Variants in ATAD3A observed in about 807,000 individuals in gnomAD.
The protein encoded by ATAD3A is ATPase family AAA domain containing 3A, also known as ATPase family AAA domain-containing protein 3A.
ATAD3A carries 46 observed loss-of-function variants against 73.8 expected under a neutral mutation model. The ratio of observed to expected loss-of-function variants is 0.62; its 90% CI spans 0.49 to 0.80. ATAD3A has a LOEUF of 0.80. ATAD3A is among the 30% of genes least tolerant of loss of function. The pLI is 0.00. For missense variants in ATAD3A, 705 were observed against 838.0 expected (o/e 0.84, Z 1.96); for synonymous variants, 319 against 350.0 (o/e 0.91, Z 0.99).
Position 1,522,840 on chromosome 1 carries a change from T to C in ATAD3A, c.847T>C (p.Ser283Pro), listed in dbSNP as rs1487807633. Residue 283 changes from serine (S) to proline (P), a missense_variant, in exon 8 of 16, where the codon TCC becomes CCC. This residue lies in a region of ATAD3A where 315 missense variants were observed against 334.1 expected (regional missense o/e 0.94). Transcript: ENST00000378756. Reference protein sequence around the residue: ...RFIEARLGKPSLVRETSRITV... With the variant: ...RFIEARLGKPPLVRETSRITV... ...CATCGAGGCTCGGCTGGGGAAGCCGTCCCTAGTGAGGGAGACGTCCCGCAT... is the reference window on the plus strand; with the variant it reads ...CATCGAGGCTCGGCTGGGGAAGCCGCCCCTAGTGAGGGAGACGTCCCGCAT... 6.2e-7 allele frequency: 1 copy of C among 1,610,174 alleles called. No homozygotes were observed. Among genetic ancestry groups the C allele is most frequent in the Non-Finnish European group, 8.5e-7 (1 of 1,179,682 alleles).
chr1:1,523,872 A>G lies in ATAD3A; in HGVS notation c.997A>G (p.Ile333Val), dbSNP rs778652824. 4 of 1,614,030 alleles carry G rather than the reference A, an allele frequency of 2.5e-6. No homozygotes were observed. Among genetic ancestry groups the G allele is most frequent in the East Asian group, 2.2e-5 (1 of 44,888 alleles). The stretch of plus-strand genomic sequence containing the variant: ...GGAAGCACGGGTGCGCGACATCGCC[A>G]TAGCAACAAGGAACACCAAGAAGAA... ...SLEARVRDIA[I>V]ATRNTKKNRS... Residue 333 changes from isoleucine to valine, a missense_variant, in exon 10 of 16, where the codon ATA (isoleucine) becomes GTA (valine). By Grantham distance (29) the Ile-to-Val change is conservative. Around this residue, in one of 5 missense-constraint regions of ATAD3A, gnomAD observed 315 missense variants for 334.1 expected, o/e 0.94. Transcript: ENST00000378756. The surrounding 1 kb of genome is among the most constrained non-coding windows in gnomAD (Gnocchi z 5.1).
At chr1:1,518,394 CAT>C (rs1161275971) in intron 4 of ATAD3A, among the ~76,000 whole-genome samples, 30 of 148,104 alleles carry the variant, frequency 2.0e-4, no homozygotes, top group Admixed American at 1.2e-3. Flanking sequence ...CCCACACACA[CAT>C]GGGCATGCCC....
chr1:1,512,607 C>T lies in ATAD3A; in HGVS notation c.205+134C>T, dbSNP rs767987185. 3.5e-6 allele frequency: 5 copies of T among 1,409,118 alleles called. No individual in the cohort carries two copies. The South Asian group carries it at 5.0e-5, about 14-fold the overall frequency. The allele number at this position is 1,409,118 out of a possible 1,614,324, so 87.3% of individuals were successfully genotyped here. On this transcript the variant is annotated intron_variant, in intron 1 of 15. Coordinates refer to ENST00000378756, the MANE Select transcript of ATAD3A (RefSeq NM_001170535.3). Reference sequence around the variant, plus strand: ...CGAGACTGCGCCCCCGGAGCACCCCCGGCCGGAGCCGTGTCGCGTGCCGGG... The same window carrying T: ...CGAGACTGCGCCCCCGGAGCACCCCTGGCCGGAGCCGTGTCGCGTGCCGGG...
intron 2 of ATAD3A, among the ~76,000 whole-genome samples, 189 bp downstream of exon 2, chr1:1,516,277 C>T (rs1254242983): frequency 6.9e-6 from 1 of 144,334 alleles, no homozygotes; most frequent in Non-Finnish European, 1.5e-5. Context: ...GCCGCAGAGC[C>T]GCCCGAGAGG....
intron 2 of ATAD3A, among the ~76,000 whole-genome samples, chr1:1,516,769 G>A: frequency 6.6e-6 from 1 of 152,116 alleles, no homozygotes. Context: ...CCAGGCCGGT[G>A]TGCAGTGGCG....
chr1:1,515,622 T>C (rs1407299130), intron 1 of ATAD3A, among the ~76,000 whole-genome samples: 1 of 152,178 alleles, frequency 6.6e-6, no homozygotes, highest in Non-Finnish European at 1.5e-5. Flanking sequence ...CTTGCCTGCA[T>C]GTGCTTGATA....
At position 1,517,038 on chromosome 1, in the gene ATAD3A, A is replaced by G. The variant is rs561650415; in HGVS notation, c.283-273A>G. The G allele has an allele frequency of 5.0e-5, 72 of 1,444,396 alleles. 1 individual carries two copies. The South Asian group carries it at 7.6e-4, about 15-fold the overall frequency. The allele number at this position is 1,444,396 out of a possible 1,614,324, so 89.5% of individuals were successfully genotyped here. A position where few individuals can be genotyped will look rare whatever the true frequency, so the allele number is the denominator to read the frequency against. On this transcript the variant is annotated intron_variant, in intron 2 of 15. Coordinates refer to ENST00000378756, the MANE Select transcript of ATAD3A (RefSeq NM_001170535.3). ...ACTCAGCAGGATTCCTAAAATAAGC[A>G]TGAGCTCTGCCCTCAGTGCAGTCCA... is the stretch of plus-strand genomic sequence containing the variant.
chr1:1,528,215 A>C (rs925780406), intron 14 of ATAD3A, among the ~76,000 whole-genome samples: 1 of 151,986 alleles, frequency 6.6e-6, no homozygotes, highest in African/African-American at 2.4e-5. Context: ...CACTCTCCTC[A>C]GCCTCCCAAA....
At position 1,518,957 on chromosome 1, in the gene ATAD3A, G is replaced by A. The variant is rs763409058; in HGVS notation, c.481G>A (p.Glu161Lys). ...TGAGGAGAATTTACGGAAGCAGGAG[G>A]AGTCCGTGCAGAAGCAGGAAGCCAT... ...LNEENLRKQE[E>K]SVQKQEAMRR... The change falls in exon 5 of 16, where the codon GAG becomes AAG. Residue 161 changes from glutamate to lysine, a missense_variant. By Grantham distance (56) the Glu-to-Lys change is moderately conservative. Coordinates refer to ENST00000378756, the MANE Select transcript of ATAD3A (RefSeq NM_001170535.3). The A allele has an allele frequency of 9.9e-6, 16 of 1,614,050 alleles. No homozygotes were observed. Among genetic ancestry groups the A allele is most frequent in the African/African-American group, 1.3e-5 (1 of 74,946 alleles).
rs570518197 is a variant in ATAD3A, at chr1:1,532,170, A to G, written c.1615-1756A>G. ...CTTGGTCAGGGTGTATAATTTTTTT[A>G]TTATACTCCTGAATTGGTTTTGCTG... is the stretch of plus-strand genomic sequence containing the variant. On this transcript the variant is annotated intron_variant, in intron 15 of 15. Coordinates refer to ENST00000378756, the MANE Select transcript of ATAD3A (RefSeq NM_001170535.3). Among the ~76,000 whole-genome samples the G allele has an allele frequency of 4.0e-4, 61 of 152,130 alleles. No individual in the cohort carries two copies. In the South Asian group the frequency reaches 6.0e-3, roughly 15 times the overall value.
Position 1,520,984 on chromosome 1 carries a change from G to C in ATAD3A, c.750+367G>C, listed in dbSNP as rs114526742. Among the ~76,000 whole-genome samples, 1 of 151,788 alleles carries C rather than the reference G, an allele frequency of 6.6e-6. No homozygotes were observed. The highest frequency in any genetic ancestry group is 2.4e-5 in the African/African-American group (1 of 41,288). On this transcript the variant is annotated intron_variant, in intron 7 of 15. Transcript: ENST00000378756. This position sits in a 1 kb window ranked among gnomAD's most constrained non-coding sequence, Gnocchi z 4.0. ...CGCAGCACTGCACTCCATCCTGGGCGACAAAGTCCTTGTCTCAAGAAAAAA... is the reference window on the plus strand; with the variant it reads ...CGCAGCACTGCACTCCATCCTGGGCCACAAAGTCCTTGTCTCAAGAAAAAA...
rs1184004698 is a variant in ATAD3A, at chr1:1,523,607, G to A, written c.963+40G>A. The A allele has an allele frequency of 1.9e-6, 3 of 1,611,748 alleles. No homozygotes were observed. The highest frequency in any genetic ancestry group is 2.7e-5 in the African/African-American group (2 of 74,950). On this transcript the variant is annotated intron_variant, in intron 9 of 15. Coordinates refer to ENST00000378756, the MANE Select transcript of ATAD3A (RefSeq NM_001170535.3). This position sits in a 1 kb window ranked among gnomAD's most constrained non-coding sequence, Gnocchi z 5.1. ...CTGGGACCGGGGAGGCGCAGGGAGG[G>A]GACCCTGGAGCTGGGCCGGGCTGTG...
chr1:1,525,940 T>C (rs1641826456), intron 12 of ATAD3A, among the ~76,000 whole-genome samples: 1 of 152,098 alleles, frequency 6.6e-6, no homozygotes, highest in Non-Finnish European at 1.5e-5. Flanking sequence ...ACTTCTGAGC[T>C]AAAGAGATTT....
At position 1,512,490 on chromosome 1, in the gene ATAD3A, G is replaced by T. The variant is rs965887671; in HGVS notation, c.205+17G>T. 2.5e-6 allele frequency: 3 copies of T among 1,180,792 alleles called. No homozygotes were observed. In the African/African-American group the frequency reaches 7.2e-5, roughly 28 times the overall value. The allele number at this position is 1,180,792 out of a possible 1,614,324, so 73.1% of individuals were successfully genotyped here. The stretch of plus-strand genomic sequence containing the variant: ...AGCACTCGCGTGAGTGCGGCGGGGC[G>T]GGGCGGCGCGGGCGGGCGGGCGGGA... On this transcript the variant is annotated intron_variant, in intron 1 of 15. Transcript: ENST00000378756.
chr1:1,517,472 G>A, intron 3 of ATAD3A, 60 bp downstream of exon 3: 2 of 1,335,396 alleles, frequency 1.5e-6, no homozygotes, highest in African/African-American at 1.7e-5. Flanking sequence ...CCTGGGGCAG[G>A]ACTGGGAGCT....
rs1384358529 is a variant in ATAD3A, at chr1:1,523,235, G to C, written c.907-276G>C. On this transcript the variant is annotated intron_variant, in intron 8 of 15. Coordinates refer to ENST00000378756, the MANE Select transcript of ATAD3A (RefSeq NM_001170535.3). The surrounding 1 kb of genome is among the most constrained non-coding windows in gnomAD (Gnocchi z 5.1). ...CGGCGTCTGGTGGCCTCCCTGGGGA[G>C]CCGCGCCGCTCGCCGCCCCCGAGGT... Among the ~76,000 whole-genome samples, 1 of 152,038 alleles carries C rather than the reference G, an allele frequency of 6.6e-6. No homozygotes were observed. Among genetic ancestry groups the C allele is most frequent in the Non-Finnish European group, 1.5e-5 (1 of 67,994 alleles).
At chr1:1,530,030 C>T (rs1474222578) in intron 15 of ATAD3A, among the ~76,000 whole-genome samples, 2 of 152,240 alleles carry the variant, frequency 1.3e-5, no homozygotes, top group Non-Finnish European at 2.9e-5. Flanking sequence ...TCTAGCAGTG[C>T]TTTTGAATGA....
chr1:1,516,263 C>T (rs1641353972), intron 2 of ATAD3A, among the ~76,000 whole-genome samples, 175 bp downstream of exon 2: 1 of 144,994 alleles, frequency 6.9e-6, no homozygotes, highest in African/African-American at 2.9e-5. Flanking sequence ...AGGTGAGAGA[C>T]GCTGCCGCAG....
chr1:1,512,232 G>A lies in ATAD3A; in HGVS notation c.-37G>A, dbSNP rs1275470354. ...CCGCGCGCGAGTCAGACTCGGGTGG[G>A]GGTCCCGGCGGCGGTAGCGGCGGCG... is the stretch of plus-strand genomic sequence containing the variant. On this transcript the variant is annotated 5_prime_UTR_variant, in exon 1 of 16. Transcript: ENST00000378756. 2.4e-6 allele frequency: 3 copies of A among 1,271,704 alleles called. No individual in the cohort carries two copies. Among genetic ancestry groups the A allele is most frequent in the Non-Finnish European group, 2.0e-6 (2 of 1,004,742 alleles). The allele number at this position is 1,271,704 out of a possible 1,614,324, so 78.8% of individuals were successfully genotyped here. A position where few individuals can be genotyped will look rare whatever the true frequency, so the allele number is the denominator to read the frequency against.
Sources: gnomAD v4.1 joint callset for allele counts (sites outside exome capture counted in the v4.1 genomes callset) on GRCh38, gnomAD v4.1.1 for gene constraint, gnomAD v4.1.1 regional missense constraint, Gnocchi (gnomAD v3.1) non-coding constraint, MANE v1.5 for transcripts, NCBI Gene and HGNC (gene_info 2026-07-23, HGNC 2026-07-21) for gene names.